The following KLF12 variants were observed in gnomAD, a reference collection of about 807,000 sequenced individuals.
KLF12 encodes the protein KLF transcription factor 12.
Under a neutral mutation model 37.8 loss-of-function variants are expected in KLF12, and 9 were observed. The observed-to-expected ratio is 0.24, with a 90% CI of 0.14 to 0.42. The LOEUF is 0.42. Ranked by LOEUF, KLF12 falls within the 10% of genes least tolerant of loss-of-function variation. The probability of loss-of-function intolerance (pLI) is 1.00; values close to 1 mark genes in which losing one functional copy is unlikely to be tolerated. For synonymous variants in KLF12, 208 were observed against 202.1 expected (o/e 1.03, Z -0.25); for missense variants, 411 against 516.0 (o/e 0.80, Z 1.97).
chr13:73,846,579 C>T (rs186065262), intron 3 of KLF12, among the ~76,000 whole-genome samples: 4 of 152,200 alleles, frequency 2.6e-5, no homozygotes, highest in South Asian at 2.1e-4. Context: ...AAGGCCTCTA[C>T]CATAAAGACA....
chr13:73,951,920 C>A (rs1405162407), intron 2 of KLF12, among the ~76,000 whole-genome samples: 1 of 152,256 alleles, frequency 6.6e-6, no homozygotes, highest in South Asian at 2.1e-4. Flanking sequence ...CCTATCCTAG[C>A]CTTGAAACTT....
At chr13:73,841,891 C>T (rs750170962) in intron 4 of KLF12, among the ~76,000 whole-genome samples, 4 of 152,264 alleles carry the variant, frequency 2.6e-5, no homozygotes, top group Non-Finnish European at 2.9e-5. Flanking sequence ...TCCTCCCTCT[C>T]ATAGCTCAAT....
the KLF12 span, among the ~76,000 whole-genome samples, chr13:74,187,303 G>A: frequency 0.012 from 1,784 of 151,734 alleles, 42 homozygotes; most frequent in African/African-American, 0.041. Context: ...CAGCCTGGGT[G>A]ACAGAGGGAG....
At chr13:73,959,307 T>C (rs549219487) in intron 2 of KLF12, among the ~76,000 whole-genome samples, 1 of 152,128 alleles carries the variant, frequency 6.6e-6, no homozygotes, top group African/African-American at 2.4e-5. Flanking sequence ...TCTATTCCAA[T>C]TGTCATTGTC....
intron 1 of KLF12, among the ~76,000 whole-genome samples, chr13:74,063,799 G>C (rs976433100): frequency 1.3e-5 from 2 of 152,144 alleles, no homozygotes. Context: ...TTCCCTTATA[G>C]TTTTTCACTT....
chr13:73,991,048 A>G (rs1466800424), intron 2 of KLF12, among the ~76,000 whole-genome samples: 2 of 152,168 alleles, frequency 1.3e-5, no homozygotes, highest in Non-Finnish European at 2.9e-5. Flanking sequence ...CAATAATTCC[A>G]TAATCTTTCC....
intron 3 of KLF12, among the ~76,000 whole-genome samples, chr13:73,937,188 CA>C (rs35197874): frequency 6.8e-6 from 1 of 146,696 alleles, no homozygotes; most frequent in Admixed American, 6.8e-5. Context: ...GACTCCGTCT[CA>C]AAAAAAAATA....
At chr13:74,160,932 TCAGAG>T in the KLF12 span, among the ~76,000 whole-genome samples, 6 of 152,154 alleles carry the variant, frequency 3.9e-5, no homozygotes, top group Non-Finnish European at 8.8e-5. Context: ...AAGGTAGCCA[TCAGAG>T]CAGAGCAGAG....
intron 6 of KLF12, among the ~76,000 whole-genome samples, chr13:73,736,777 T>C (rs990741730): frequency 6.6e-6 from 1 of 152,142 alleles, no homozygotes; most frequent in Non-Finnish European, 1.5e-5. Context: ...TCAGTGCAAG[T>C]TCAGGTTTAT....
intron 6 of KLF12, among the ~76,000 whole-genome samples, chr13:73,754,477 C>T (rs1365914584): frequency 2.0e-5 from 3 of 152,078 alleles, no homozygotes; most frequent in African/African-American, 7.2e-5. Context: ...AGGAAAAGAG[C>T]ATCAGCCACA....
At chr13:74,011,953 T>C (rs1892562065) in intron 1 of KLF12, among the ~76,000 whole-genome samples, 1 of 152,222 alleles carries the variant, frequency 6.6e-6, no homozygotes, top group Non-Finnish European at 1.5e-5. Context: ...TATTGAACAG[T>C]ACTGGTCAAG....
chr13:73,927,128 T>C (rs898031297), intron 3 of KLF12, among the ~76,000 whole-genome samples: 8 of 152,182 alleles, frequency 5.3e-5, no homozygotes, highest in African/African-American at 1.9e-4. Flanking sequence ...TTTATCTAAA[T>C]GAACTCTAGA....
chr13:73,821,020 T>G (rs1883497159), intron 4 of KLF12, among the ~76,000 whole-genome samples: 2 of 152,248 alleles, frequency 1.3e-5, no homozygotes, highest in Admixed American at 1.3e-4. Context: ...AAAACAGGAT[T>G]GAGTCGTTGT....
intron 1 of KLF12, among the ~76,000 whole-genome samples, chr13:74,049,676 A>G (rs1872782780): frequency 6.6e-6 from 1 of 152,216 alleles, no homozygotes; most frequent in Admixed American, 6.5e-5. Flanking sequence ...CAGGAGCAAA[A>G]TAATAATAAA....
At chr13:73,773,871 C>G (rs1256821361) in intron 5 of KLF12, among the ~76,000 whole-genome samples, 2 of 152,158 alleles carry the variant, frequency 1.3e-5, no homozygotes, top group African/African-American at 4.8e-5. Flanking sequence ...CACAGCCCCC[C>G]TTACCAGCCC....
chr13:73,874,565 A>G (rs1467755409), intron 3 of KLF12, among the ~76,000 whole-genome samples: 1 of 152,168 alleles, frequency 6.6e-6, no homozygotes, highest in Non-Finnish European at 1.5e-5. Flanking sequence ...AATCAATCCA[A>G]TAATTGACTT....
Position 73,822,231 on chromosome 13 carries a change from T to C in KLF12, c.671-8944A>G, listed in dbSNP as rs181452703. On this transcript the variant is annotated intron_variant, in intron 4 of 7. Coordinates refer to ENST00000377669, the MANE Select transcript of KLF12 (RefSeq NM_007249.5). ...GAGAGAAAAGTCACAATCATTAAATTTCTATTATTCTCTGAAGTCTTAGAT... is the reference window on the plus strand; with the variant it reads ...GAGAGAAAAGTCACAATCATTAAATCTCTATTATTCTCTGAAGTCTTAGAT... Among the ~76,000 whole-genome samples, 390 of 152,356 alleles carry C rather than the reference T, an allele frequency of 2.6e-3. 3 individuals are homozygous for C. Among genetic ancestry groups the C allele is most frequent in the Middle Eastern group, 0.014 (4 of 294 alleles).
chr13:73,959,313 T>C (rs1471899465), intron 2 of KLF12, among the ~76,000 whole-genome samples: 1 of 152,066 alleles, frequency 6.6e-6, no homozygotes, highest in Non-Finnish European at 1.5e-5. Flanking sequence ...CCAATTGTCA[T>C]TGTCCCATAT....
At chr13:73,946,133 C>T (rs1288343607) in intron 2 of KLF12, among the ~76,000 whole-genome samples, 2 of 152,120 alleles carry the variant, frequency 1.3e-5, no homozygotes, top group African/African-American at 4.8e-5. Context: ...GGCTGTTTGG[C>T]TGGTAGACAA....
Sources: allele counts gnomAD v4.1 joint callset (sites outside exome capture counted in the v4.1 genomes callset), GRCh38; gene constraint gnomAD v4.1.1; transcripts MANE v1.5; gene names NCBI Gene and HGNC (gene_info 2026-07-23, HGNC 2026-07-21).